Variants in FMN1 observed in about 807,000 individuals in gnomAD.
The protein encoded by FMN1 is formin 1, also known as formin-1.
Under a neutral mutation model 132.4 loss-of-function variants are expected in FMN1, and 110 were observed. That is an observed-to-expected ratio of 0.83 (90% CI 0.71 to 0.97). FMN1 has a LOEUF of 0.97. FMN1 is among the 50% of genes least tolerant of loss of function. FMN1 has a pLI of 0.00. For missense variants in FMN1, 1,792 were observed against 1,705.3 expected, an observed-to-expected ratio of 1.05 and a Z score of -0.90; for synonymous variants, 722 against 651.7, an observed-to-expected ratio of 1.11 and a Z score of -1.64.
At chr15:33,051,276 T>A (rs760824731) in intron 6 of FMN1, among the ~76,000 whole-genome samples, 3 of 152,070 alleles carry the variant, frequency 2.0e-5, no homozygotes, top group Non-Finnish European at 4.4e-5. Flanking sequence ...AATAAAACAG[T>A]CTGGGAAAGG....
intron 19 of FMN1, among the ~76,000 whole-genome samples, chr15:32,785,182 G>GTA (rs2056818263): frequency 2.7e-5 from 1 of 37,404 alleles, no homozygotes; most frequent in Admixed American, 3.3e-4. Flanking sequence ...GTGTGTGTGT[G>GTA]TGTGTGTGTG....
chr15:33,138,881 C>A (rs549867838), intron 4 of FMN1, among the ~76,000 whole-genome samples: 2 of 152,198 alleles, frequency 1.3e-5, no homozygotes, highest in Admixed American at 6.5e-5. Context: ...CTGACCTAAC[C>A]TCAAAATCTC....
At chr15:32,904,098 G>A (rs2060362764) in intron 12 of FMN1, among the ~76,000 whole-genome samples, 1 of 152,150 alleles carries the variant, frequency 6.6e-6, no homozygotes, top group Non-Finnish European at 1.5e-5. Context: ...TTAATCTACA[G>A]TCCCATCTTG....
At chr15:32,858,169 G>A (rs1180492632) in intron 16 of FMN1, among the ~76,000 whole-genome samples, 1 of 152,182 alleles carries the variant, frequency 6.6e-6, no homozygotes, top group Non-Finnish European at 1.5e-5. Context: ...GGTTGGGAAG[G>A]AGATCTTTAT....
chr15:33,128,450 C>T (rs1203847042), intron 4 of FMN1, among the ~76,000 whole-genome samples: 3 of 152,154 alleles, frequency 2.0e-5, no homozygotes, highest in East Asian at 3.9e-4. Context: ...AATTTTTATT[C>T]CTATGACATT....
chr15:32,911,271 A>G (rs1398828555), intron 10 of FMN1, among the ~76,000 whole-genome samples: 1 of 152,224 alleles, frequency 6.6e-6, no homozygotes, highest in Admixed American at 6.5e-5. Flanking sequence ...GGATTTGGCT[A>G]TCGAAGTGTT....
intron 4 of FMN1, among the ~76,000 whole-genome samples, chr15:33,131,687 G>T (rs548982593): frequency 5.9e-5 from 9 of 152,182 alleles, no homozygotes; most frequent in Non-Finnish European, 1.0e-4. Flanking sequence ...CAACCAGCCC[G>T]AGCAGCCATG....
intron 3 of FMN1, among the ~76,000 whole-genome samples, chr15:33,162,136 C>T (rs1964922382): frequency 1.3e-5 from 2 of 152,136 alleles, no homozygotes; most frequent in African/African-American, 2.4e-5. Context: ...CTCAGCTCCT[C>T]CAAGTAGCTG....
intron 9 of FMN1, among the ~76,000 whole-genome samples, chr15:32,951,424 G>GACACACACAC (rs3081377): frequency 5.4e-5 from 8 of 148,966 alleles, no homozygotes; most frequent in African/African-American, 1.7e-4. Context: ...GCCCCAGTGG[G>GACACACACAC]ACACACACAC....
chr15:32,957,304 T>TTTG (rs1160185508), intron 9 of FMN1, among the ~76,000 whole-genome samples: 3 of 142,994 alleles, frequency 2.1e-5, no homozygotes, highest in Non-Finnish European at 3.1e-5. Context: ...AGTTCTTTTT[T>TTTG]TTTTTTTTTT....
At chr15:33,087,660 A>C (rs2038747463) in intron 5 of FMN1, among the ~76,000 whole-genome samples, 1 of 152,204 alleles carries the variant, frequency 6.6e-6, no homozygotes, top group South Asian at 2.1e-4. Flanking sequence ...ATCTACCCAG[A>C]GGAAAAGAAG....
intron 17 of FMN1, among the ~76,000 whole-genome samples, chr15:32,840,441 A>C (rs1038761419): frequency 5.9e-5 from 9 of 152,220 alleles, no homozygotes; most frequent in African/African-American, 1.9e-4. Flanking sequence ...GTATCAGCAC[A>C]TTCAAGATAC....
chr15:33,021,781 T>G (rs1360112761), intron 6 of FMN1, among the ~76,000 whole-genome samples: 1 of 152,212 alleles, frequency 6.6e-6, no homozygotes, highest in Non-Finnish European at 1.5e-5. Context: ...TTGTTTTATG[T>G]TCTATCATAA....
chr15:33,077,808 A>AT (rs36012357), intron 5 of FMN1, among the ~76,000 whole-genome samples: 1 of 151,310 alleles, frequency 6.6e-6, no homozygotes, highest in Non-Finnish European at 1.5e-5. Context: ...AAAAAAAAAA[A>AT]CATCAAAAAG....
At chr15:33,008,139 T>C in intron 6 of FMN1, 64 bp from the exon 7 acceptor site, 1 of 1,252,504 alleles carries the variant, frequency 8.0e-7, no homozygotes, top group Non-Finnish European at 1.1e-6. Flanking sequence ...ATTTATCTAC[T>C]GGTCCTCTTA....
At chr15:32,916,496 T>C (rs931232759) in intron 10 of FMN1, among the ~76,000 whole-genome samples, 1 of 152,190 alleles carries the variant, frequency 6.6e-6, no homozygotes, top group African/African-American at 2.4e-5. Flanking sequence ...TTGTATAGTC[T>C]GTTAAGATTA....
Position 32,924,578 on chromosome 15 carries a change from T to G in FMN1, c.3226+1596A>C, listed in dbSNP as rs189806091. On this transcript the variant is annotated intron_variant, in intron 10 of 20. Coordinates refer to ENST00000616417, the MANE Select transcript of FMN1 (RefSeq NM_001277313.2). ...CATACTAAATTCTACTGAAACCATC[T>G]AAGAGATTGTATTATCACTCAGCAA... Among the ~76,000 whole-genome samples the G allele has an allele frequency of 1.1e-4, 17 of 152,342 alleles. No individual in the cohort carries two copies. The East Asian group carries it at 3.3e-3, about 29-fold the overall frequency.
chr15:33,149,957 G>T (rs1209570594), intron 4 of FMN1: 1 of 984,810 alleles, frequency 1.0e-6, no homozygotes, highest in Non-Finnish European at 1.2e-6. Context: ...CTCTTAATAA[G>T]TTGACATTAA....
At chr15:33,190,009 G>A (rs1338397537) in intron 2 of FMN1, among the ~76,000 whole-genome samples, 1 of 152,208 alleles carries the variant, frequency 6.6e-6, no homozygotes. Context: ...AAGCAGCAAT[G>A]CACACTTTGA....
Sources: gnomAD v4.1 joint callset for allele counts (sites outside exome capture counted in the v4.1 genomes callset) on GRCh38, gnomAD v4.1.1 for gene constraint, MANE v1.5 for transcripts, NCBI Gene and HGNC (gene_info 2026-07-23, HGNC 2026-07-21) for gene names.